Variants in COL4A2 observed in about 807,000 individuals in gnomAD.
COL4A2 encodes the protein collagen alpha-2(IV) chain.
A neutral mutation model predicts 200.2 loss-of-function variants in COL4A2; 99 were observed. The ratio of observed to expected loss-of-function variants is 0.49; its 90% confidence interval spans 0.42 to 0.58. The LOEUF (loss-of-function observed/expected upper bound fraction) is 0.58, where lower values mean the gene tolerates loss of function less well. Among genes scored for constraint, COL4A2 ranks in the 20% least tolerant of loss-of-function variants. COL4A2 has a pLI of 0.00. For missense variants in COL4A2, 1,950 were observed against 2,314.1 expected (o/e 0.84, Z 3.23); for synonymous variants, 897 against 900.6 (o/e 1.00, Z 0.07).
intron 4 of COL4A2, among the ~76,000 whole-genome samples, chr13:110,404,809 G>A (rs1879503060): frequency 2.0e-5 from 3 of 152,240 alleles, no homozygotes; most frequent in African/African-American, 7.2e-5. Context: ...GCGCCTCTGG[G>A]AGACAAGGGT....
chr13:110,458,674 A>G (rs1469252789), intron 21 of COL4A2, 97 bp from the exon 22 acceptor site: 2 of 1,464,098 alleles, frequency 1.4e-6, no homozygotes, highest in African/African-American at 1.4e-5. Context: ...TAAAGCACCA[A>G]GTGTGCCACC....
At chr13:110,406,126 C>G (rs1879559767) in intron 4 of COL4A2, among the ~76,000 whole-genome samples, 2 of 152,212 alleles carry the variant, frequency 1.3e-5, no homozygotes, top group African/African-American at 4.8e-5. Context: ...CCAAACTGAG[C>G]AGCCAGTAAA....
chr13:110,380,965 CG>C (rs1566502515), intron 4 of COL4A2, among the ~76,000 whole-genome samples: 1 of 147,264 alleles, frequency 6.8e-6, no homozygotes, highest in Admixed American at 6.8e-5. Flanking sequence ...CTCACACCCA[CG>C]GGCTCTATGT....
intron 3 of COL4A2, among the ~76,000 whole-genome samples, chr13:110,312,255 G>A (rs978985246): frequency 1.6e-4 from 24 of 152,150 alleles, no homozygotes; most frequent in Middle Eastern, 3.2e-3. Context: ...GCAGAGATTT[G>A]TCAGCAGCAT....
chr13:110,496,109 G>A (rs1011302486), intron 40 of COL4A2, among the ~76,000 whole-genome samples: 50 of 152,116 alleles, frequency 3.3e-4, no homozygotes, highest in African/African-American at 7.2e-4. Context: ...GCTCAGGTAC[G>A]GGAGCTGGGC....
Position 110,512,168 on chromosome 13 carries a change from C to T in COL4A2, c.5116C>T (p.Gln1706Ter), listed in dbSNP as rs1318875867. Reference protein sequence around the residue: ...GLIRTHISRCQVCMKNL With the variant: ...GLIRTHISRC ...CATCCGCACACACATCAGCCGCTGC[C>T]AGGTGTGCATGAAGAACCTGTGAGC... The change falls in exon 48 of 48, where the codon CAG (glutamine) becomes TAG (stop). Residue 1706 changes from glutamine (Q) to a stop codon, truncating the protein, a stop_gained. Transcript: ENST00000360467. LOFTEE classifies it high-confidence loss of function. 1.9e-6 allele frequency: 3 copies of T among 1,612,970 alleles called. No homozygotes were observed. Among genetic ancestry groups the T allele is most frequent in the Non-Finnish European group, 2.5e-6 (3 of 1,179,838 alleles).
At chr13:110,494,749 A>G (rs1426599477) in intron 39 of COL4A2, among the ~76,000 whole-genome samples, 1 of 152,202 alleles carries the variant, frequency 6.6e-6, no homozygotes, top group Non-Finnish European at 1.5e-5. Context: ...AAAGACCCAT[A>G]ATCCTAAAGC....
chr13:110,465,310 C>G, intron 24 of COL4A2, 95 bp from the exon 25 acceptor site: 1 of 1,447,514 alleles, frequency 6.9e-7, no homozygotes, highest in Non-Finnish European at 9.3e-7. Context: ...GGATCCATAG[C>G]TCAGAATTCC....
At chr13:110,446,904 A>G in intron 18 of COL4A2, 40 bp downstream of exon 18, 1 of 1,544,746 alleles carries the variant, frequency 6.5e-7, no homozygotes, top group Non-Finnish European at 8.9e-7. Context: ...AGCATCGCAT[A>G]CACATTCTCT....
chr13:110,328,021 A>G (rs1288379856), intron 3 of COL4A2, among the ~76,000 whole-genome samples: 1 of 152,240 alleles, frequency 6.6e-6, no homozygotes, highest in Non-Finnish European at 1.5e-5. Flanking sequence ...TCAAAATCAT[A>G]CACCACAAAC....
rs558912604 is a variant in COL4A2 at position 110,487,324 on chromosome 13, G to A, written c.3207+1488G>A. Among the ~76,000 whole-genome samples the A allele has an allele frequency of 4.6e-5, 7 of 152,280 alleles. No homozygotes were observed. In the East Asian group the frequency reaches 9.7e-4, roughly 21 times the overall value. Reference sequence around the variant, plus strand: ...AAAAATTAACCGGGTTTGGTGCTGCGCACTCATAATCCCAGCTACTGGGGA... The same window carrying A: ...AAAAATTAACCGGGTTTGGTGCTGCACACTCATAATCCCAGCTACTGGGGA... On this transcript the variant is annotated intron_variant, in intron 34 of 47. Transcript: ENST00000360467.
At chr13:110,462,493 C>A in intron 24 of COL4A2, 109 bp downstream of exon 24, 1 of 1,005,772 alleles carries the variant, frequency 9.9e-7, no homozygotes, top group Non-Finnish European at 1.5e-6. Flanking sequence ...CCAACCTGTG[C>A]ATAGGACAGG....
intron 3 of COL4A2, among the ~76,000 whole-genome samples, chr13:110,309,234 C>T (rs925039814): frequency 6.6e-6 from 1 of 152,228 alleles, no homozygotes; most frequent in Non-Finnish European, 1.5e-5. Flanking sequence ...TACTTTTCCG[C>T]TGCTGTTGGT....
chr13:110,434,375 C>A, intron 11 of COL4A2, 26 bp from the exon 12 acceptor site: 1 of 1,602,064 alleles, frequency 6.2e-7, no homozygotes, highest in Non-Finnish European at 8.5e-7. Flanking sequence ...CTTTTTAAAA[C>A]TTACAGAAAT....
At chr13:110,315,503 C>G (rs1023700810) in intron 3 of COL4A2, among the ~76,000 whole-genome samples, 1 of 152,160 alleles carries the variant, frequency 6.6e-6, no homozygotes, top group Non-Finnish European at 1.5e-5. Flanking sequence ...TCAAGTGATT[C>G]TCCTGCCTCA....
chr13:110,475,885 A>G (rs1201147530), intron 29 of COL4A2, among the ~76,000 whole-genome samples: 2 of 152,268 alleles, frequency 1.3e-5, no homozygotes, highest in African/African-American at 4.8e-5. Flanking sequence ...ATAGTCTATA[A>G]GTGGAAACTG....
intron 3 of COL4A2, among the ~76,000 whole-genome samples, chr13:110,325,755 C>T (rs535426237): frequency 5.7e-4 from 86 of 152,146 alleles, no homozygotes; most frequent in South Asian, 1.0e-3. Flanking sequence ...ACAGGCACTT[C>T]CTGCCTTATG....
At chr13:110,308,622 G>A (rs968156202) in intron 3 of COL4A2, among the ~76,000 whole-genome samples, 2 of 152,116 alleles carry the variant, frequency 1.3e-5, no homozygotes, top group Non-Finnish European at 2.9e-5. Flanking sequence ...TGTTTGAATT[G>A]AAGCATTGCG....
At position 110,508,337 on chromosome 13, in the gene COL4A2, G is replaced by A. The variant is rs898171422; in HGVS notation, c.4881+116G>A. 20 of 1,505,392 alleles carry A rather than the reference G, an allele frequency of 1.3e-5. No homozygotes were observed. The highest frequency in any genetic ancestry group is 1.8e-5 in the Non-Finnish European group (20 of 1,110,570). 93.3% of individuals were successfully genotyped at this position (1,505,392 alleles called of 1,614,324 possible). A position where few individuals can be genotyped will look rare whatever the true frequency, so the allele number is the denominator to read the frequency against. On this transcript the variant is annotated intron_variant, in intron 47 of 47. Transcript: ENST00000360467. The surrounding 1 kb of genome is among the most constrained non-coding windows in gnomAD (Gnocchi z 6.1). ...GCAGTCCAGGGTGTGCACTGCACAAGGGTAGTTGGCCCAGGAAGCGAGCGA... is the reference window on the plus strand; with the variant it reads ...GCAGTCCAGGGTGTGCACTGCACAAAGGTAGTTGGCCCAGGAAGCGAGCGA...
Sources: allele counts gnomAD v4.1 joint callset (sites outside exome capture counted in the v4.1 genomes callset), GRCh38; gene constraint gnomAD v4.1.1; non-coding constraint Gnocchi (gnomAD v3.1); transcripts MANE v1.5; gene names NCBI Gene and HGNC (gene_info 2026-07-23, HGNC 2026-07-21).